Variants in CDKAL1 observed in about 807,000 individuals in gnomAD.
CDKAL1 encodes the protein threonylcarbamoyladenosine tRNA methylthiotransferase.
In CDKAL1, 32 loss-of-function variants were observed where a neutral mutation model predicts 68.2. The observed-to-expected ratio is 0.47, with a 90% confidence interval of 0.35 to 0.63. The LOEUF (loss-of-function observed/expected upper bound fraction) is 0.63. Ranked by LOEUF, CDKAL1 falls within the 30% of genes least tolerant of loss-of-function variation. The pLI is 0.00. For missense variants in CDKAL1, 606 were observed against 696.7 expected (o/e 0.87, Z 1.47); for synonymous variants, 234 against 244.3 (o/e 0.96, Z 0.39).
intron 4 of CDKAL1, among the ~76,000 whole-genome samples, chr6:20,598,901 G>A (rs1228253202): frequency 2.6e-5 from 4 of 151,786 alleles, no homozygotes; most frequent in Non-Finnish European, 2.9e-5. Context: ...ATGCTTTTTA[G>A]TCGGCCTAAA....
intron 13 of CDKAL1, among the ~76,000 whole-genome samples, chr6:21,152,496 C>T (rs1173887685): frequency 6.6e-6 from 1 of 152,224 alleles, no homozygotes; most frequent in Non-Finnish European, 1.5e-5. Flanking sequence ...AGCAACTTGT[C>T]ATATGACCCC....
At chr6:21,000,913 C>T (rs1767394611) in intron 11 of CDKAL1, among the ~76,000 whole-genome samples, 1 of 152,132 alleles carries the variant, frequency 6.6e-6, no homozygotes, top group Non-Finnish European at 1.5e-5. Context: ...TGCTATTGAC[C>T]AAAATTAAGG....
At chr6:21,033,362 C>T (rs1769398858) in intron 11 of CDKAL1, among the ~76,000 whole-genome samples, 1 of 152,026 alleles carries the variant, frequency 6.6e-6, no homozygotes, top group Non-Finnish European at 1.5e-5. Context: ...TAGTGCTTGA[C>T]TAGTGATAAA....
rs187185030 is a variant in CDKAL1 at position 21,232,341 on chromosome 6, T to G, written c.*1302T>G. 3.9e-5 allele frequency: 6 copies of G among 152,344 alleles called. No homozygotes were observed. The East Asian group carries it at 1.2e-3, about 29-fold the overall frequency. 9.4% of individuals were successfully genotyped at this position (152,344 alleles called of 1,614,324 possible). A position where few individuals can be genotyped will look rare whatever the true frequency, so the allele number is the denominator to read the frequency against. ...TGTTTTTATTTCTACCTGCCATCAT[T>G]GGTCTTTACTAAGTGAAGTGACTTC... On this transcript the variant is annotated 3_prime_UTR_variant, in exon 16 of 16. Coordinates refer to ENST00000274695, the MANE Select transcript of CDKAL1 (RefSeq NM_017774.3).
intron 4 of CDKAL1, among the ~76,000 whole-genome samples, chr6:20,612,598 AT>A (rs1222702375): frequency 1.5e-4 from 23 of 149,068 alleles, no homozygotes; most frequent in South Asian, 2.1e-4. Flanking sequence ...TCTTAATTAG[AT>A]TTTTTTTTTG....
rs116239104 is a variant in CDKAL1 at position 21,204,158 on chromosome 6, A to G, written c.1548+2884A>G. 4.1e-3 allele frequency among the ~76,000 whole-genome samples: 621 copies of G among 152,368 alleles called. 2 individuals are homozygous for G. Among genetic ancestry groups the G allele is most frequent in the Non-Finnish European group, 7.2e-3 (491 of 68,030 alleles). On this transcript the variant is annotated intron_variant, in intron 15 of 15. Coordinates refer to ENST00000274695, the MANE Select transcript of CDKAL1 (RefSeq NM_017774.3). ...TTTGAAAAATTATCTGAAAGCCATCATCAAAGATTGGGATCAAGGATTTTT... is the reference window on the plus strand; with the variant it reads ...TTTGAAAAATTATCTGAAAGCCATCGTCAAAGATTGGGATCAAGGATTTTT...
At chr6:20,604,474 T>TGG (rs1766247607) in intron 4 of CDKAL1, among the ~76,000 whole-genome samples, 1 of 152,230 alleles carries the variant, frequency 6.6e-6, no homozygotes. Context: ...ATTCTGCATA[T>TGG]GGATTTGCTT....
chr6:20,821,933 A>G (rs1368269018), intron 8 of CDKAL1, among the ~76,000 whole-genome samples: 1 of 152,206 alleles, frequency 6.6e-6, no homozygotes, highest in African/African-American at 2.4e-5. Context: ...AGAAGAAAGT[A>G]TAGATTAGAG....
rs148796093 is a variant in CDKAL1, at chr6:20,547,274, C to A, written c.173+751C>A. Among the ~76,000 whole-genome samples the A allele has an allele frequency of 2.5e-3, 381 of 152,170 alleles. 1 individual carries two copies. The highest frequency in any genetic ancestry group is 8.8e-3 in the African/African-American group (366 of 41,498). ...GAAATGAGATGTCAAATTGGATGTT[C>A]CTAGAAGATAGCCTCGGGCAATAGG... is the stretch of plus-strand genomic sequence containing the variant. On this transcript the variant is annotated intron_variant, in intron 3 of 15. Coordinates refer to ENST00000274695, the MANE Select transcript of CDKAL1 (RefSeq NM_017774.3).
At chr6:20,659,742 T>C (rs1176896488) in intron 5 of CDKAL1, among the ~76,000 whole-genome samples, 8 of 152,176 alleles carry the variant, frequency 5.3e-5, no homozygotes, top group African/African-American at 1.9e-4. Context: ...CAAATCATCA[T>C]GTCAGGGCCT....
chr6:20,745,720 G>A (rs1313587418), intron 6 of CDKAL1, among the ~76,000 whole-genome samples: 2 of 151,492 alleles, frequency 1.3e-5, no homozygotes, highest in African/African-American at 4.9e-5. Context: ...TAGCTGATGA[G>A]CTAAAAAAAA....
chr6:20,898,364 C>T (rs1203840400), intron 9 of CDKAL1, among the ~76,000 whole-genome samples: 1 of 149,810 alleles, frequency 6.7e-6, no homozygotes, highest in Non-Finnish European at 1.5e-5. Flanking sequence ...AATTCTCGTT[C>T]TTGATTGTGT....
intron 5 of CDKAL1, among the ~76,000 whole-genome samples, chr6:20,696,266 C>A (rs149908780): frequency 2.0e-4 from 30 of 152,304 alleles, no homozygotes; most frequent in Non-Finnish European, 3.7e-4. Context: ...GTCAACTTTC[C>A]CACCACATTT....
chr6:20,880,273 T>C (rs1760743136), intron 9 of CDKAL1, among the ~76,000 whole-genome samples: 2 of 152,236 alleles, frequency 1.3e-5, no homozygotes, highest in South Asian at 4.2e-4. Flanking sequence ...TTGCTTTTTT[T>C]CGAGATGGAA....
intron 7 of CDKAL1, among the ~76,000 whole-genome samples, chr6:20,778,120 G>C (rs1303439626): frequency 6.6e-6 from 1 of 152,108 alleles, no homozygotes; most frequent in Non-Finnish European, 1.5e-5. Context: ...GGCCTTCACT[G>C]TACATAAAAA....
intron 9 of CDKAL1, among the ~76,000 whole-genome samples, chr6:20,913,682 C>T (rs1762581230): frequency 6.6e-6 from 1 of 152,232 alleles, no homozygotes; most frequent in East Asian, 1.9e-4. Flanking sequence ...CAGGAGGTCA[C>T]CCCAGATTTA....
intron 5 of CDKAL1, among the ~76,000 whole-genome samples, chr6:20,667,449 A>G (rs1403894555): frequency 6.6e-6 from 1 of 151,892 alleles, no homozygotes; most frequent in South Asian, 2.1e-4. Context: ...TTTCAAGTCT[A>G]TACTCATCCT....
chr6:21,023,785 A>G (rs1224204279), intron 11 of CDKAL1, among the ~76,000 whole-genome samples: 1 of 152,198 alleles, frequency 6.6e-6, no homozygotes, highest in Non-Finnish European at 1.5e-5. Flanking sequence ...GAATGGCACA[A>G]TATATTTTTA....
At chr6:21,094,885 C>CT (rs1447283644) in intron 12 of CDKAL1, among the ~76,000 whole-genome samples, 1 of 152,208 alleles carries the variant, frequency 6.6e-6, no homozygotes, top group East Asian at 1.9e-4. Context: ...ATTAAACTTA[C>CT]TTTAAGCATA....
Sources: allele counts gnomAD v4.1 joint callset (sites outside exome capture counted in the v4.1 genomes callset), GRCh38; gene constraint gnomAD v4.1.1; transcripts MANE v1.5; gene names NCBI Gene and HGNC (gene_info 2026-07-23, HGNC 2026-07-21).